The following TMC6 variants were observed in gnomAD, a reference collection of about 807,000 sequenced individuals.
TMC6 encodes the protein transmembrane channel-like protein 6.
In TMC6, 71 loss-of-function variants were observed where a neutral mutation model predicts 95.4. That is an observed-to-expected ratio of 0.74 (90% CI 0.61 to 0.91). The LOEUF (loss-of-function observed/expected upper bound fraction) is 0.91, where lower values mean the gene tolerates loss of function less well. TMC6 is among the 40% of genes least tolerant of loss of function. TMC6 has a pLI of 0.00. For missense variants in TMC6, 1,074 were observed against 1,079.1 expected (o/e 1.00, Z 0.07); for synonymous variants, 514 against 483.1 (o/e 1.06, Z -0.84).
chr17:78,131,038 AG>A (rs924601625), upstream of TMC6: 8 of 188,470 alleles, frequency 4.2e-5, no homozygotes, highest in African/African-American at 1.9e-4. Flanking sequence ...GGAAGACAGA[AG>A]GGGGTCCCCC....
rs755949674 is a variant in TMC6 at position 78,124,967 on chromosome 17, C to CG, written c.554dup (p.Arg186GlufsTer127). The CG allele has an allele frequency of 1.3e-6, 2 of 1,593,344 alleles. No individual in the cohort carries two copies. Among genetic ancestry groups the CG allele is most frequent in the African/African-American group, 2.7e-5 (2 of 74,676 alleles). On this transcript the variant is annotated frameshift_variant, in exon 7 of 20. Transcript: ENST00000590602. LOFTEE classifies it high-confidence loss of function. Reference sequence around the variant, plus strand: ...CCGGCTGGCCCCTCCACTTCCCCCTCGGGGTCCTGCTCTTCTCTCTGGGGA... The same window carrying CG: ...CCGGCTGGCCCCTCCACTTCCCCCTCGGGGGTCCTGCTCTTCTCTCTGGGGA...
chr17:78,114,618 G>A (rs901388901), intron 18 of TMC6, among the ~76,000 whole-genome samples: 3 of 147,548 alleles, frequency 2.0e-5, no homozygotes, highest in African/African-American at 7.5e-5. Context: ...TTCACACAGA[G>A]AACAGGAGTT....
At position 78,109,899 on chromosome 17, in the gene TMC6, T is replaced by C. The variant is rs995193022; in HGVS notation, c.*3249A>G. On this transcript the variant is annotated 3_prime_UTR_variant, in exon 20 of 20. Coordinates refer to ENST00000590602, the MANE Select transcript of TMC6 (RefSeq NM_001127198.5). ...CTGAGCAACATGGAGAAACCCTGTC[T>C]CTACTAAAAATACAAAATTAGCTGG... 1.1e-4 allele frequency: 28 copies of C among 253,444 alleles called. No individual in the cohort carries two copies. The highest frequency in any genetic ancestry group is 2.0e-4 in the Non-Finnish European group (25 of 127,020). 15.7% of individuals were successfully genotyped at this position (253,444 alleles called of 1,614,324 possible).
rs1166511270 is a variant in TMC6, at chr17:78,112,089, G to A, written c.*1059C>T. 8.9e-6 allele frequency: 2 copies of A among 224,954 alleles called. No homozygotes were observed. The highest frequency in any genetic ancestry group is 1.3e-4 in the Admixed American group (2 of 15,824). The allele number at this position is 224,954 out of a possible 1,614,324, so 13.9% of individuals were successfully genotyped here. On this transcript the variant is annotated 3_prime_UTR_variant, in exon 20 of 20. Coordinates refer to ENST00000590602, the MANE Select transcript of TMC6 (RefSeq NM_001127198.5). ...GGCCTGGAGCACAGGCTGACGGGCT[G>A]GTCCCCGCAGGCCTGGAGCACTGAG... is the stretch of plus-strand genomic sequence containing the variant.
intron 1 of TMC6, among the ~76,000 whole-genome samples, chr17:78,127,317 C>T (rs2074769388): frequency 6.6e-6 from 1 of 152,184 alleles, no homozygotes; most frequent in African/African-American, 2.4e-5. Context: ...TGCGTCTGCC[C>T]TGTGACCTCA....
rs904931901 is a variant in TMC6, at chr17:78,122,201, C to T, written c.1227+404G>A. ...GGCCCCGCAACCTCTACGAGGGCCT[C>T]GGCCTCTATGCCTCAGTCTCCTCTC... On this transcript the variant is annotated intron_variant, in intron 10 of 19. Coordinates refer to ENST00000590602, the MANE Select transcript of TMC6 (RefSeq NM_001127198.5). This position sits in a 1 kb window ranked among gnomAD's most constrained non-coding sequence, Gnocchi z 4.9. Among the ~76,000 whole-genome samples, 3 of 152,118 alleles carry T rather than the reference C, an allele frequency of 2.0e-5. No homozygotes were observed. The highest frequency in any genetic ancestry group is 2.9e-5 in the Non-Finnish European group (2 of 68,020).
rs2074728103 is a variant in TMC6, at chr17:78,126,554, C to G, written c.151G>C (p.Glu51Gln). The change falls in exon 3 of 20, where the codon GAG becomes CAG. Residue 51 changes from glutamate (E) to glutamine (Q), a missense_variant. Glu to Gln is a conservative substitution (Grantham distance 29). Coordinates refer to ENST00000590602, the MANE Select transcript of TMC6 (RefSeq NM_001127198.5). ...ACCTCCCGCTCTCTCTGCTGCAGCT[C>G]CAGCCCCTCCTGGGCCGTGCACTGG... ...QSQCTAQEGL[E>Q]LQQREREVTG... 1 of 1,613,810 alleles carries G rather than the reference C, an allele frequency of 6.2e-7. No homozygotes were observed. Among genetic ancestry groups the G allele is most frequent in the Non-Finnish European group, 8.5e-7 (1 of 1,180,016 alleles).
Position 78,109,079 on chromosome 17 carries a change from TG to T in TMC6, c.*4068del. The T allele has an allele frequency of 4.4e-6, 1 of 229,678 alleles. No homozygotes were observed. The highest frequency in any genetic ancestry group is 8.8e-6 in the Non-Finnish European group (1 of 113,418). 14.2% of individuals were successfully genotyped at this position (229,678 alleles called of 1,614,324 possible). On this transcript the variant is annotated 3_prime_UTR_variant, in exon 20 of 20. Transcript: ENST00000590602. ...GTTGCCCAGGCTGATCTCGAACTGC[TG>T]GGAATACAGGCATGAGCCAGGTGCC...
At chr17:78,113,232 T>C (rs766611443) in intron 19 of TMC6, 21 bp from the exon 20 acceptor site, 3 of 1,549,396 alleles carry the variant, frequency 1.9e-6, no homozygotes, top group Admixed American at 3.9e-5. Flanking sequence ...GAGACATCAC[T>C]GAGGGGACCC....
Position 78,121,615 on chromosome 17 carries a change from G to A in TMC6, c.1324C>T (p.Leu442=), listed in dbSNP as rs2074418708. The A allele has an allele frequency of 1.2e-6, 2 of 1,611,084 alleles. No homozygotes were observed. The highest frequency in any genetic ancestry group is 1.7e-6 in the Non-Finnish European group (2 of 1,179,582). Residue 442 remains leucine (L), a synonymous_variant, in exon 11 of 20, where the codon CTG becomes TTG. Transcript: ENST00000590602. The surrounding 1 kb of genome is among the most constrained non-coding windows in gnomAD (Gnocchi z 5.6). Reference sequence around the variant, plus strand: ...ACGGCGCAGCCCAGCGCGGTCCCCAGACACAGCAGCCACACAAGCCCCAGC... The same window carrying A: ...ACGGCGCAGCCCAGCGCGGTCCCCAAACACAGCAGCCACACAAGCCCCAGC... ...AVLGLVWLLC[L]GTALGCAVAV...
At chr17:78,126,445 A>G in intron 3 of TMC6, 79 bp from the exon 4 acceptor site, 5 of 1,608,128 alleles carry the variant, frequency 3.1e-6, no homozygotes, top group Non-Finnish European at 4.2e-6. Flanking sequence ...CCAGGCCTGC[A>G]GAGCTGGGAG....
At position 78,113,565 on chromosome 17, in the gene TMC6, CTCCT is replaced by C. The variant is rs1386205667; in HGVS notation, c.2333_2336del (p.Lys778ArgfsTer78). The C allele has an allele frequency of 6.2e-7, 1 of 1,613,888 alleles. No individual in the cohort carries two copies. The highest frequency in any genetic ancestry group is 1.1e-5 in the South Asian group (1 of 91,096). Reference sequence around the variant, plus strand: ...ACCCTCACCTGCTCCTCTCCTCCCTCTCCTTCCTCTCGTAGATGGAGTGAAGCTT... The same window carrying C: ...ACCCTCACCTGCTCCTCTCCTCCCTCTCCTCTCGTAGATGGAGTGAAGCTT... On this transcript the variant is annotated frameshift_variant, in exon 19 of 20. Coordinates refer to ENST00000590602, the MANE Select transcript of TMC6 (RefSeq NM_001127198.5). LOFTEE classifies it low-confidence loss of function (END_TRUNC).
Position 78,117,537 on chromosome 17 carries a change from C to CA in TMC6, c.2128dup (p.Trp710LeufsTer51), listed in dbSNP as rs761210360. 1 of 1,602,584 alleles carries CA rather than the reference C, an allele frequency of 6.2e-7. No homozygotes were observed. Among genetic ancestry groups the CA allele is most frequent in the Non-Finnish European group, 8.5e-7 (1 of 1,176,248 alleles). ...CAGGTACCGGTGCACCCAGGGCAGCCAGGAGACCCTGGGGCCTGCCGCCTC... is the reference window on the plus strand; with the variant it reads ...CAGGTACCGGTGCACCCAGGGCAGCCAAGGAGACCCTGGGGCCTGCCGCCTC... On this transcript the variant is annotated frameshift_variant, in exon 17 of 20. Coordinates refer to ENST00000590602, the MANE Select transcript of TMC6 (RefSeq NM_001127198.5). LOFTEE classifies it high-confidence loss of function.
chr17:78,117,892 A>G lies in TMC6; in HGVS notation c.1931T>C (p.Leu644Pro), dbSNP rs2074212299. The G allele has an allele frequency of 1.2e-6, 2 of 1,606,418 alleles. No homozygotes were observed. Among genetic ancestry groups the G allele is most frequent in the Non-Finnish European group, 1.7e-6 (2 of 1,177,130 alleles). ...GAAGACGGTGCTCATGTGTGAGGCC[A>G]GCCAGGGCCGGCGCGGCGCCTGGCA... is the stretch of plus-strand genomic sequence containing the variant. ...ANCQAPRRPW[L>P]ASHMSTVFLT... Residue 644 changes from leucine to proline, a missense_variant, in exon 16 of 20, where the codon CTG becomes CCG. Transcript: ENST00000590602.
intron 18 of TMC6, 155 bp from the exon 19 acceptor site, chr17:78,113,779 A>G (rs2144859938): frequency 2.6e-6 from 2 of 762,784 alleles, no homozygotes; most frequent in East Asian, 2.7e-5. Context: ...GCCACCAAAC[A>G]AGGACAAGGA....
Position 78,117,287 on chromosome 17 carries a change from G to C in TMC6, c.2259C>G (p.Leu753=), listed in dbSNP as rs2074171452. 12 of 1,613,538 alleles carry C rather than the reference G, an allele frequency of 7.4e-6. No homozygotes were observed. Among genetic ancestry groups the C allele is most frequent in the Non-Finnish European group, 1.0e-5 (12 of 1,179,994 alleles). The change falls in exon 18 of 20, where the codon CTC becomes CTG. Residue 753 remains leucine, a synonymous_variant. Coordinates refer to ENST00000590602, the MANE Select transcript of TMC6 (RefSeq NM_001127198.5). ...VRGQRKVICL[L]KEQISNEGED... ...CACTCACATTGCTGATCTGCTCCTT[G>C]AGCAGGCAGATGACCTTGCGCTGGC...
At chr17:78,132,279 G>A (rs2221636), upstream of TMC6, 106,755 of 1,557,620 alleles carry the variant, frequency 0.069, 4,000 homozygotes, top group African/African-American at 0.12. Context: ...CACGCCGTCC[G>A]GTGGGCCCGC....
At position 78,113,592 on chromosome 17, in the gene TMC6, C is replaced by T. The variant is rs1261753686; in HGVS notation, c.2310G>A (p.Lys770=). The part of the protein sequence containing the change: ...EGEDKIFLIN[K]LHSIYERKER... ...CCTTCCTCTCGTAGATGGAGTGAAG[C>T]TTGTTGATTAAGAAGATTTTGTCCT... The change falls in exon 19 of 20, where the codon AAG becomes AAA. Residue 770 remains lysine (K), a synonymous_variant. Coordinates refer to ENST00000590602, the MANE Select transcript of TMC6 (RefSeq NM_001127198.5). 1 of 1,613,848 alleles carries T rather than the reference C, an allele frequency of 6.2e-7. No homozygotes were observed. The highest frequency in any genetic ancestry group is 8.5e-7 in the Non-Finnish European group (1 of 1,180,016).
At position 78,112,038 on chromosome 17, in the gene TMC6, G is replaced by C. The variant is rs2073837694; in HGVS notation, c.*1110C>G. The C allele has an allele frequency of 4.1e-6, 1 of 242,514 alleles. No homozygotes were observed. Among genetic ancestry groups the C allele is most frequent in the Non-Finnish European group, 8.5e-6 (1 of 118,338 alleles). 15.0% of individuals were successfully genotyped at this position (242,514 alleles called of 1,614,324 possible). A position where few individuals can be genotyped will look rare whatever the true frequency, so the allele number is the denominator to read the frequency against. ...CTGGTCCCCACAGACCTGGAGCACTGGGGTCATGACGGGCTGGTCCCCGCA... is the reference window on the plus strand; with the variant it reads ...CTGGTCCCCACAGACCTGGAGCACTCGGGTCATGACGGGCTGGTCCCCGCA... On this transcript the variant is annotated 3_prime_UTR_variant, in exon 20 of 20. Transcript: ENST00000590602.
Sources: allele counts gnomAD v4.1 joint callset (sites outside exome capture counted in the v4.1 genomes callset), GRCh38; gene constraint gnomAD v4.1.1; non-coding constraint Gnocchi (gnomAD v3.1); transcripts MANE v1.5; gene names NCBI Gene and HGNC (gene_info 2026-07-23, HGNC 2026-07-21).